The following SLC23A2 variants were observed in gnomAD, a reference collection of about 807,000 sequenced individuals.
The protein encoded by SLC23A2 is solute carrier family 23 member 2, also known as Na(+)/L-ascorbic acid transporter 2.
In SLC23A2, 36 loss-of-function variants were observed where a neutral mutation model predicts 73.3. That is an observed-to-expected ratio of 0.49 (90% CI 0.38 to 0.65). The LOEUF (loss-of-function observed/expected upper bound fraction) is 0.65, where lower values mean the gene tolerates loss of function less well. Among genes scored for constraint, SLC23A2 ranks in the 30% least tolerant of loss-of-function variants. The pLI is 0.00. For synonymous variants in SLC23A2, 343 were observed against 327.3 expected, an observed-to-expected ratio of 1.05 and a Z score of -0.52; for missense variants, 507 against 841.6, an observed-to-expected ratio of 0.60 and a Z score of 4.92.
intron 15 of SLC23A2, among the ~76,000 whole-genome samples, chr20:4,860,496 T>C (rs1302377261): frequency 6.6e-6 from 1 of 152,200 alleles, no homozygotes; most frequent in Non-Finnish European, 1.5e-5. Context: ...CTATGGTGTG[T>C]GTTAAAGAAG....
At chr20:4,984,382 A>T (rs73612150) in intron 1 of SLC23A2, among the ~76,000 whole-genome samples, 11 of 151,898 alleles carry the variant, frequency 7.2e-5, no homozygotes, top group Non-Finnish European at 1.6e-4. Flanking sequence ...GTGAAACCCC[A>T]TCTCTACTAA....
intron 3 of SLC23A2, among the ~76,000 whole-genome samples, chr20:4,926,363 A>T (rs777733991): frequency 6.6e-6 from 1 of 152,216 alleles, no homozygotes; most frequent in African/African-American, 2.4e-5. Context: ...CTGTGCCAAC[A>T]GGAAGTTTGG....
At chr20:4,920,131 C>T (rs145599058) in intron 3 of SLC23A2, among the ~76,000 whole-genome samples, 1 of 152,084 alleles carries the variant, frequency 6.6e-6, no homozygotes, top group Non-Finnish European at 1.5e-5. Context: ...CATGGAGGCT[C>T]GCGCCTGTAA....
intron 1 of SLC23A2, among the ~76,000 whole-genome samples, chr20:5,007,486 G>A (rs753661581): frequency 1.3e-5 from 2 of 152,088 alleles, no homozygotes; most frequent in Non-Finnish European, 2.9e-5. Flanking sequence ...AGCTGAAATC[G>A]CACCACTGCG....
At chr20:4,859,598 T>C (rs1929877811) in intron 15 of SLC23A2, among the ~76,000 whole-genome samples, 1 of 152,164 alleles carries the variant, frequency 6.6e-6, no homozygotes, top group Admixed American at 6.5e-5. Flanking sequence ...GGTATCTCCA[T>C]AAGGAGAATT....
rs1439199047 is a variant in SLC23A2 at position 4,855,495 on chromosome 20, T to C, written c.*1477A>G. 1.3e-5 allele frequency: 2 copies of C among 152,244 alleles called. No homozygotes were observed. Among genetic ancestry groups the C allele is most frequent in the East Asian group, 1.9e-4 (1 of 5,196 alleles). 9.4% of individuals were successfully genotyped at this position (152,244 alleles called of 1,614,324 possible). A position where few individuals can be genotyped will look rare whatever the true frequency, so the allele number is the denominator to read the frequency against. ...CTTCAAACCAAACCAAGAGGAGTCATTTCTCAGGAAGAATTTAGTGTTATT... is the reference window on the plus strand; with the variant it reads ...CTTCAAACCAAACCAAGAGGAGTCACTTCTCAGGAAGAATTTAGTGTTATT... On this transcript the variant is annotated 3_prime_UTR_variant, in exon 17 of 17. Transcript: ENST00000338244.
intron 13 of SLC23A2, among the ~76,000 whole-genome samples, chr20:4,865,825 T>C (rs1600078968): frequency 6.6e-6 from 1 of 152,012 alleles, no homozygotes. Context: ...ATTTTATTTA[T>C]ATATTTTTTT....
upstream of SLC23A2, among the ~76,000 whole-genome samples, chr20:5,005,855 G>A (rs1341161429): frequency 9.2e-5 from 14 of 152,004 alleles, 1 homozygote; most frequent in African/African-American, 2.7e-4. Context: ...GCATGGTGGC[G>A]CATGCCTGTA....
At chr20:4,888,592 C>G (rs1568610617) in intron 6 of SLC23A2, among the ~76,000 whole-genome samples, 1 of 152,190 alleles carries the variant, frequency 6.6e-6, no homozygotes, top group Non-Finnish European at 1.5e-5. Context: ...TTACTTTATT[C>G]AAAACCCTGC....
intron 2 of SLC23A2, among the ~76,000 whole-genome samples, chr20:4,949,788 T>G (rs1462862723): frequency 6.6e-6 from 1 of 152,028 alleles, no homozygotes; most frequent in African/African-American, 2.4e-5. Context: ...CAGATAGTAA[T>G]CAATCTGTAT....
At chr20:4,896,617 C>A (rs375618934) in intron 6 of SLC23A2, among the ~76,000 whole-genome samples, 3 of 152,158 alleles carry the variant, frequency 2.0e-5, no homozygotes, top group Non-Finnish European at 2.9e-5. Context: ...ACCCCCAGGA[C>A]GAGAAAGAGT....
intron 4 of SLC23A2, among the ~76,000 whole-genome samples, chr20:4,907,893 A>C (rs1015014434): frequency 1.3e-5 from 2 of 152,184 alleles, no homozygotes; most frequent in African/African-American, 4.8e-5. Flanking sequence ...ATTTAAGGGA[A>C]ACTGGAAATA....
intron 2 of SLC23A2, among the ~76,000 whole-genome samples, chr20:4,948,551 AG>A (rs1425406761): frequency 1.3e-5 from 2 of 152,238 alleles, no homozygotes; most frequent in African/African-American, 4.8e-5. Context: ...AGGGCTGAAG[AG>A]TGGGTTTGCC....
chr20:5,001,806 T>C (rs1002059756), upstream of SLC23A2, among the ~76,000 whole-genome samples: 2 of 152,004 alleles, frequency 1.3e-5, no homozygotes, highest in Admixed American at 1.3e-4. Context: ...CGCTGGTCCC[T>C]GAGTGTCCTG....
intron 15 of SLC23A2, among the ~76,000 whole-genome samples, chr20:4,861,456 C>G (rs979256992): frequency 1.1e-4 from 16 of 152,210 alleles, no homozygotes; most frequent in African/African-American, 3.9e-4. Flanking sequence ...TGTCTTGAGA[C>G]GGTTCTTCCT....
chr20:4,872,591 C>T lies in SLC23A2; in HGVS notation c.1102+1345G>A, dbSNP rs573311396. Among the ~76,000 whole-genome samples the T allele has an allele frequency of 1.6e-4, 25 of 152,268 alleles. No homozygotes were observed. The highest frequency in any genetic ancestry group is 5.8e-4 in the African/African-American group (24 of 41,562). The stretch of plus-strand genomic sequence containing the variant: ...TGGGGGCTTCTACCTACCTGCCACC[C>T]CCGCCTCGCCCTCACCCTGACTGCC... On this transcript the variant is annotated intron_variant, in intron 11 of 16. Transcript: ENST00000338244. The surrounding 1 kb of genome is among the most constrained non-coding windows in gnomAD (Gnocchi z 4.4).
chr20:4,986,689 C>CACACAG (rs71197739), intron 1 of SLC23A2, among the ~76,000 whole-genome samples: 54 of 129,962 alleles, frequency 4.2e-4, no homozygotes, highest in South Asian at 2.2e-3. Context: ...CACACACACA[C>CACACAG]AGAGATGAAT....
At chr20:4,976,699 G>C (rs1471253974) in intron 1 of SLC23A2, among the ~76,000 whole-genome samples, 1 of 151,862 alleles carries the variant, frequency 6.6e-6, no homozygotes, top group Non-Finnish European at 1.5e-5. Flanking sequence ...AGTCTGCCGG[G>C]CACGGTGACT....
At position 4,868,145 on chromosome 20, in the gene SLC23A2, T is replaced by C. The variant is rs1445852722; in HGVS notation, c.1251-270A>G. Among the ~76,000 whole-genome samples the C allele has an allele frequency of 6.7e-6, 1 of 149,022 alleles. No homozygotes were observed. Among genetic ancestry groups the C allele is most frequent in the Non-Finnish European group, 1.5e-5 (1 of 67,504 alleles). On this transcript the variant is annotated intron_variant, in intron 12 of 16. Coordinates refer to ENST00000338244, the MANE Select transcript of SLC23A2 (RefSeq NM_005116.6). The surrounding 1 kb of genome is among the most constrained non-coding windows in gnomAD (Gnocchi z 4.4). ...CCTAGGCTGGAATGCAGTGACGCGA[T>C]CTTGGCTCACTGCAACCTCCACCTC...
Sources: allele counts gnomAD v4.1 joint callset (sites outside exome capture counted in the v4.1 genomes callset), GRCh38; gene constraint gnomAD v4.1.1; non-coding constraint Gnocchi (gnomAD v3.1); transcripts MANE v1.5; gene names NCBI Gene and HGNC (gene_info 2026-07-23, HGNC 2026-07-21).